Variants in ZNF804B observed in about 807,000 individuals in gnomAD.
ZNF804B encodes zinc finger protein 804B, also known as zinc finger 804B.
ZNF804B carries 80 observed loss-of-function variants against 101.4 expected under a neutral mutation model. The observed-to-expected ratio is 0.79, with a 90% CI of 0.66 to 0.95. The LOEUF (loss-of-function observed/expected upper bound fraction) is 0.95, where lower values mean the gene tolerates loss of function less well. Ranked by LOEUF, ZNF804B falls within the 40% of genes least tolerant of loss-of-function variation. The pLI is 0.00. For synonymous variants in ZNF804B, 622 were observed against 558.8 expected, an observed-to-expected ratio of 1.11 and a Z score of -1.59; for missense variants, 1,673 against 1,561.9, an observed-to-expected ratio of 1.07 and a Z score of -1.20.
intron 1 of ZNF804B, among the ~76,000 whole-genome samples, chr7:88,848,686 G>T (rs1242218895): frequency 5.0e-5 from 7 of 138,918 alleles, no homozygotes; most frequent in Non-Finnish European, 1.1e-4. Context: ...TTAGGAGAAA[G>T]GATTAAGAAG....
intron 1 of ZNF804B, among the ~76,000 whole-genome samples, chr7:88,987,970 C>A (rs897377432): frequency 6.6e-6 from 1 of 151,564 alleles, no homozygotes; most frequent in Admixed American, 6.6e-5. Flanking sequence ...TAAAATCATC[C>A]CTCCTCCTTC....
chr7:88,785,285 T>C (rs1256836385), intron 1 of ZNF804B, among the ~76,000 whole-genome samples: 1 of 151,944 alleles, frequency 6.6e-6, no homozygotes, highest in Non-Finnish European at 1.5e-5. Context: ...TTTCCTCTTC[T>C]TAACATTCTA....
intron 1 of ZNF804B, among the ~76,000 whole-genome samples, chr7:89,175,340 C>T: frequency 6.6e-6 from 1 of 151,942 alleles, no homozygotes. Flanking sequence ...CTGTCCTTTC[C>T]CTAATGTATG....
chr7:89,274,256 C>T (rs1262175344), intron 2 of ZNF804B, among the ~76,000 whole-genome samples: 4 of 144,544 alleles, frequency 2.8e-5, no homozygotes, highest in East Asian at 4.0e-4. Flanking sequence ...GTGCGCTGCA[C>T]CCACTAACTC....
At chr7:89,109,954 G>A (rs964233680) in intron 1 of ZNF804B, among the ~76,000 whole-genome samples, 2 of 152,002 alleles carry the variant, frequency 1.3e-5, no homozygotes, top group Admixed American at 6.6e-5. Flanking sequence ...TCTGTTTTAG[G>A]TCCCAGTAAT....
chr7:89,080,977 G>T (rs909061265), intron 1 of ZNF804B, among the ~76,000 whole-genome samples: 2 of 151,914 alleles, frequency 1.3e-5, no homozygotes, highest in African/African-American at 2.4e-5. Context: ...AAAGCTTGAT[G>T]CATTCCAAAT....
intron 1 of ZNF804B, among the ~76,000 whole-genome samples, chr7:89,165,077 T>C (rs185221586): frequency 6.6e-6 from 1 of 152,244 alleles, no homozygotes; most frequent in East Asian, 1.9e-4. Context: ...CGTAGAACTT[T>C]CGGGATTCAA....
intron 1 of ZNF804B, among the ~76,000 whole-genome samples, chr7:88,869,066 T>C (rs966506963): frequency 2.6e-5 from 4 of 152,200 alleles, no homozygotes; most frequent in Non-Finnish European, 5.9e-5. Flanking sequence ...ATTTAGTCTG[T>C]TTTTTTAAAA....
chr7:88,822,236 A>AT (rs910875378), intron 1 of ZNF804B, among the ~76,000 whole-genome samples: 3 of 152,120 alleles, frequency 2.0e-5, no homozygotes, highest in Non-Finnish European at 1.5e-5. Flanking sequence ...TGTATGAAGA[A>AT]TTTTTTTAAG....
chr7:89,105,391 T>A (rs1021913075), intron 1 of ZNF804B, among the ~76,000 whole-genome samples: 1 of 152,154 alleles, frequency 6.6e-6, no homozygotes, highest in African/African-American at 2.4e-5. Context: ...GGATAGCTTT[T>A]AACTTTAGTA....
intron 1 of ZNF804B, among the ~76,000 whole-genome samples, chr7:89,032,208 G>T (rs1358740808): frequency 1.3e-5 from 2 of 151,334 alleles, no homozygotes; most frequent in Non-Finnish European, 2.9e-5. Context: ...ATAGTGATAG[G>T]AGCATTTCAA....
intron 1 of ZNF804B, among the ~76,000 whole-genome samples, chr7:89,010,967 A>G (rs371516071): frequency 5.3e-5 from 8 of 152,292 alleles, no homozygotes; most frequent in African/African-American, 1.9e-4. Flanking sequence ...AAATAAAATT[A>G]TGTATTAGTC....
intron 1 of ZNF804B, among the ~76,000 whole-genome samples, chr7:88,872,652 A>G (rs1251241742): frequency 6.8e-6 from 1 of 146,502 alleles, no homozygotes. Context: ...CCAGAGTGTG[A>G]TGTTCCCCTT....
intron 1 of ZNF804B, among the ~76,000 whole-genome samples, chr7:88,919,653 A>G (rs1792690329): frequency 6.6e-6 from 1 of 152,152 alleles, no homozygotes; most frequent in South Asian, 2.1e-4. Context: ...TGGTTTTAGT[A>G]CAGTGTTTCC....
chr7:89,017,346 T>C (rs1788584656), intron 1 of ZNF804B, among the ~76,000 whole-genome samples: 1 of 152,214 alleles, frequency 6.6e-6, no homozygotes, highest in Admixed American at 6.5e-5. Context: ...CCTGCCTTAC[T>C]GCCCTGGCCA....
At chr7:89,161,353 T>G (rs1274282652) in intron 1 of ZNF804B, among the ~76,000 whole-genome samples, 2 of 151,962 alleles carry the variant, frequency 1.3e-5, no homozygotes, top group Non-Finnish European at 2.9e-5. Flanking sequence ...ACATTACCTA[T>G]GTTACATGAT....
At chr7:89,331,274 T>C (rs1790973776) in intron 3 of ZNF804B, among the ~76,000 whole-genome samples, 1 of 151,740 alleles carries the variant, frequency 6.6e-6, no homozygotes, top group Non-Finnish European at 1.5e-5. Context: ...TGTTTCTGGA[T>C]CACTTCCTTC....
chr7:89,040,018 T>A (rs995541875), intron 1 of ZNF804B, among the ~76,000 whole-genome samples: 3 of 152,042 alleles, frequency 2.0e-5, no homozygotes, highest in Non-Finnish European at 1.5e-5. Context: ...ATATTCATTT[T>A]CCTCTCCAGA....
intron 1 of ZNF804B, among the ~76,000 whole-genome samples, chr7:88,843,266 A>G (rs377662401): frequency 6.6e-6 from 1 of 152,254 alleles, no homozygotes; most frequent in East Asian, 1.9e-4. Flanking sequence ...TCCTCATGTA[A>G]TTATGAGGAA....
Sources: allele counts gnomAD v4.1 joint callset (sites outside exome capture counted in the v4.1 genomes callset), GRCh38; gene constraint gnomAD v4.1.1; transcripts MANE v1.5; gene names NCBI Gene and HGNC (gene_info 2026-07-23, HGNC 2026-07-21).